SEC24D: variants seen among roughly 807,000 people sequenced by gnomAD.
SEC24D encodes the protein protein transport protein Sec24D.
Under a neutral mutation model 116.9 loss-of-function variants are expected in SEC24D, and 69 were observed. The observed-to-expected ratio is 0.59, with a 90% CI of 0.49 to 0.72. The LOEUF (loss-of-function observed/expected upper bound fraction) is 0.72, where lower values mean the gene tolerates loss of function less well. SEC24D is among the 30% of genes least tolerant of loss of function. SEC24D has a pLI of 0.00. For missense variants in SEC24D, 1,131 were observed against 1,264.1 expected (o/e 0.89, Z 1.60); for synonymous variants, 405 against 442.8 (o/e 0.91, Z 1.07).
rs1725224143 is a variant in SEC24D at position 118,722,973 on chromosome 4, T to C, written c.*542A>G. ...GAAAATAGTTTTAACATACACAATA[T>C]ATAATTATGAAAAAAATGTAGAACA... is the stretch of plus-strand genomic sequence containing the variant. On this transcript the variant is annotated 3_prime_UTR_variant, in exon 23 of 23. Coordinates refer to ENST00000280551, the MANE Select transcript of SEC24D (RefSeq NM_014822.4). The C allele has an allele frequency of 6.6e-6, 1 of 152,566 alleles. No homozygotes were observed. Among genetic ancestry groups the C allele is most frequent in the Admixed American group, 6.5e-5 (1 of 15,282 alleles). The allele number at this position is 152,566 out of a possible 1,614,324, so 9.5% of individuals were successfully genotyped here. A position where few individuals can be genotyped will look rare whatever the true frequency, so the allele number is the denominator to read the frequency against.
chr4:118,755,464 CA>C (rs34008479), intron 11 of SEC24D, among the ~76,000 whole-genome samples: 11,339 of 84,924 alleles, frequency 0.13, 443 homozygotes, highest in African/African-American at 0.17. Context: ...AACAAACAGA[CA>C]AAAAAAAAAA....
intron 12 of SEC24D, 83 bp downstream of exon 12, chr4:118,752,614 A>G: frequency 2.2e-6 from 2 of 918,398 alleles, no homozygotes; most frequent in Non-Finnish European, 3.3e-6. Flanking sequence ...ATGATAAAAC[A>G]ATGTATGATT....
intron 13 of SEC24D, among the ~76,000 whole-genome samples, chr4:118,747,263 C>CTTTTT (rs200688068): frequency 5.5e-5 from 7 of 128,216 alleles, no homozygotes; most frequent in East Asian, 2.2e-4. Context: ...ATTTCTGTAG[C>CTTTTT]TTTTTTTTTT....
At chr4:118,793,307 A>C (rs1408410155) in intron 8 of SEC24D, among the ~76,000 whole-genome samples, 1 of 151,418 alleles carries the variant, frequency 6.6e-6, no homozygotes, top group Non-Finnish European at 1.5e-5. Flanking sequence ...CTCTACTAAA[A>C]ATACAAAAAA....
intron 3 of SEC24D, among the ~76,000 whole-genome samples, chr4:118,820,176 AATT>A (rs1227091436): frequency 4.7e-5 from 7 of 150,392 alleles, no homozygotes; most frequent in Non-Finnish European, 3.0e-5. Context: ...AAATTAGTTT[AATT>A]TTTTTTTTTT....
chr4:118,733,242 G>T, intron 19 of SEC24D: 1 of 130,040 alleles, frequency 7.7e-6, no homozygotes, highest in Non-Finnish European at 1.7e-5. Context: ...CTTTTTCTCA[G>T]TGTTTTTTTT....
Position 118,815,617 on chromosome 4 carries a change from T to C in SEC24D, c.507A>G (p.Gln169=), listed in dbSNP as rs1293886003. The change falls in exon 5 of 23, where the codon CAA becomes CAG. Residue 169 remains glutamine, a synonymous_variant. Coordinates refer to ENST00000280551, the MANE Select transcript of SEC24D (RefSeq NM_014822.4). ...GTGTGGTGGGTGGTGGTGGAAGAACTTGAGATCCAGGCTGCAAAATGGAAG... is the reference window on the plus strand; with the variant it reads ...GTGTGGTGGGTGGTGGTGGAAGAACCTGAGATCCAGGCTGCAAAATGGAAG... ...PQPSILQPGS[Q]VLPPPPTTLN... 5 of 1,614,106 alleles carry C rather than the reference T, an allele frequency of 3.1e-6. No individual in the cohort carries two copies. Among genetic ancestry groups the C allele is most frequent in the South Asian group, 2.2e-5 (2 of 91,080 alleles).
Position 118,739,092 on chromosome 4 carries a change from A to G in SEC24D, c.2377+57T>C, listed in dbSNP as rs1191242802. 3.8e-6 allele frequency: 6 copies of G among 1,588,992 alleles called. No individual in the cohort carries two copies. The Admixed American group carries it at 5.1e-5, about 14-fold the overall frequency. ...TACAGTGCTTTTTAGCTACTGACAA[A>G]TCTTGACTGAATTACTAAGCAAGGT... On this transcript the variant is annotated intron_variant, in intron 18 of 22. Transcript: ENST00000280551.
intron 6 of SEC24D, among the ~76,000 whole-genome samples, chr4:118,810,111 TGTGTGTGTG>T (rs1729847092): frequency 1.3e-5 from 2 of 148,670 alleles, no homozygotes; most frequent in Admixed American, 6.8e-5. Context: ...TGTGTGTGTG[TGTGTGTGTG>T]TGTGTGTGTG....
chr4:118,787,714 G>T (rs768241223), intron 8 of SEC24D, among the ~76,000 whole-genome samples: 2 of 152,156 alleles, frequency 1.3e-5, no homozygotes, highest in African/African-American at 2.4e-5. Context: ...TGGCTGAGGT[G>T]TGAGAATCGC....
chr4:118,737,734 G>A (rs1182070331), intron 19 of SEC24D, among the ~76,000 whole-genome samples: 1 of 151,988 alleles, frequency 6.6e-6, no homozygotes, highest in Non-Finnish European at 1.5e-5. Flanking sequence ...TTTATTCAAA[G>A]AATCTTCTAA....
rs1354940301 is a variant in SEC24D at position 118,824,697 on chromosome 4, C to T, written c.171G>A (p.Leu57=). 1.9e-5 allele frequency: 31 copies of T among 1,608,236 alleles called. No homozygotes were observed. The highest frequency in any genetic ancestry group is 2.5e-5 in the Non-Finnish European group (30 of 1,177,660). The change falls in exon 3 of 23, where the codon TTG becomes TTA. Residue 57 remains leucine (L), a synonymous_variant. Coordinates refer to ENST00000280551, the MANE Select transcript of SEC24D (RefSeq NM_014822.4). ...PLGATATRGM[L]PPGPPPPGPH... is the part of the protein sequence containing the mutation. ...GTCCAGGAGGTGGGGGACCCGGAGGCAACATTCCCCTAGTGGCGGTGGCCC... is the reference window on the plus strand; with the variant it reads ...GTCCAGGAGGTGGGGGACCCGGAGGTAACATTCCCCTAGTGGCGGTGGCCC...
chr4:118,784,750 C>T lies in SEC24D; in HGVS notation c.1041+12933G>A, dbSNP rs1013282722. On this transcript the variant is annotated intron_variant, in intron 8 of 22. Coordinates refer to ENST00000280551, the MANE Select transcript of SEC24D (RefSeq NM_014822.4). ...TAACATCCTTCCCTGCCCCCCCCCCCGCCACCAAATACACACAAACACACA... is the reference window on the plus strand; with the variant it reads ...TAACATCCTTCCCTGCCCCCCCCCCTGCCACCAAATACACACAAACACACA... 4.2e-5 allele frequency among the ~76,000 whole-genome samples: 6 copies of T among 144,304 alleles called. 1 individual carries two copies. Among genetic ancestry groups the T allele is most frequent in the African/African-American group, 1.5e-4 (6 of 39,534 alleles). 94.7% of individuals were successfully genotyped at this position (144,304 alleles called of 152,430 possible).
chr4:118,794,961 G>A (rs776473065), intron 8 of SEC24D, among the ~76,000 whole-genome samples: 3 of 151,698 alleles, frequency 2.0e-5, no homozygotes, highest in Non-Finnish European at 2.9e-5. Context: ...TTTTTTTGAA[G>A]GATAGATAGT....
chr4:118,766,104 T>A (rs754527140), intron 9 of SEC24D, among the ~76,000 whole-genome samples: 5 of 151,384 alleles, frequency 3.3e-5, no homozygotes, highest in Non-Finnish European at 5.9e-5. Flanking sequence ...TTCCACATAG[T>A]ATAACATACA....
intron 2 of SEC24D, among the ~76,000 whole-genome samples, chr4:118,827,067 ATAT>A (rs1730619587): frequency 6.6e-6 from 1 of 152,192 alleles, no homozygotes; most frequent in Non-Finnish European, 1.5e-5. Context: ...AGTTTTCTTC[ATAT>A]AGAAGACAGG....
intron 13 of SEC24D, among the ~76,000 whole-genome samples, chr4:118,749,358 G>C (rs1002023316): frequency 6.6e-6 from 1 of 152,094 alleles, no homozygotes; most frequent in African/African-American, 2.4e-5. Context: ...TTTTTGGTTA[G>C]TTTTTGTCTA....
chr4:118,731,213 CCTT>C (rs1725667150), intron 21 of SEC24D, 100 bp downstream of exon 21: 1 of 880,090 alleles, frequency 1.1e-6, no homozygotes, highest in Admixed American at 2.1e-5. Context: ...GAAATATATG[CCTT>C]ATTATTTTTC....
chr4:118,728,424 A>G, intron 22 of SEC24D, 137 bp downstream of exon 22: 1 of 602,108 alleles, frequency 1.7e-6, no homozygotes, highest in Admixed American at 3.3e-5. Flanking sequence ...AGGTTTTTTT[A>G]ACTTTTATTT....
Sources: gnomAD v4.1 joint callset for allele counts (sites outside exome capture counted in the v4.1 genomes callset) on GRCh38, gnomAD v4.1.1 for gene constraint, MANE v1.5 for transcripts, NCBI Gene and HGNC (gene_info 2026-07-23, HGNC 2026-07-21) for gene names.